Variants in LUZP2 observed in about 807,000 individuals in gnomAD.
LUZP2 encodes the protein leucine zipper protein 2.
LUZP2 carries 52 observed loss-of-function variants against 51.6 expected under a neutral mutation model. The observed-to-expected ratio is 1.01, with a 90% CI of 0.81 to 1.27. The LOEUF is 1.27. LUZP2 is among the 50% of genes most tolerant of loss of function. LUZP2 has a pLI of 0.00. For missense variants in LUZP2, 436 were observed against 395.4 expected, an observed-to-expected ratio of 1.10 and a Z score of -0.87; for synonymous variants, 154 against 137.3, an observed-to-expected ratio of 1.12 and a Z score of -0.85.
At chr11:24,812,469 A>G (rs1052537259) in intron 5 of LUZP2, among the ~76,000 whole-genome samples, 1 of 152,210 alleles carries the variant, frequency 6.6e-6, no homozygotes, top group African/African-American at 2.4e-5. Context: ...CAGTTGCTGT[A>G]CACATAAAGA....
chr11:24,578,944 AAAAG>A (rs1052418599), intron 1 of LUZP2, among the ~76,000 whole-genome samples: 10 of 152,172 alleles, frequency 6.6e-5, no homozygotes, highest in African/African-American at 2.2e-4. Flanking sequence ...CATTATTTAA[AAAAG>A]AAAGAAACTT....
At chr11:24,943,917 A>C (rs1389065180) in intron 7 of LUZP2, among the ~76,000 whole-genome samples, 1 of 151,492 alleles carries the variant, frequency 6.6e-6, no homozygotes, top group Non-Finnish European at 1.5e-5. Context: ...GCCACAGTCT[A>C]TTAAGTGTCT....
intron 1 of LUZP2, among the ~76,000 whole-genome samples, chr11:24,533,588 T>G (rs1851079597): frequency 6.6e-6 from 1 of 151,288 alleles, no homozygotes; most frequent in Non-Finnish European, 1.5e-5. Flanking sequence ...TCTCCTGATA[T>G]AAAGCATGCA....
intron 1 of LUZP2, among the ~76,000 whole-genome samples, chr11:24,532,373 G>GTTGA (rs1346509636): frequency 6.6e-6 from 1 of 150,910 alleles, no homozygotes; most frequent in African/African-American, 2.4e-5. Flanking sequence ...ATTAAAATTA[G>GTTGA]TTGACATTTG....
At chr11:24,741,972 ACAT>A (rs1859184647) in intron 4 of LUZP2, among the ~76,000 whole-genome samples, 1 of 82,894 alleles carries the variant, frequency 1.2e-5, no homozygotes, top group African/African-American at 3.6e-5. Context: ...ATAAATATAT[ACAT>A]TTATATATTA....
chr11:24,829,432 A>AT, intron 5 of LUZP2, among the ~76,000 whole-genome samples: 1 of 152,300 alleles, frequency 6.6e-6, no homozygotes, highest in African/African-American at 2.4e-5. Context: ...CAGAACTTTA[A>AT]TTTTGAAATT....
intron 1 of LUZP2, among the ~76,000 whole-genome samples, chr11:24,650,325 A>C (rs764842060): frequency 7.9e-5 from 12 of 151,894 alleles, no homozygotes; most frequent in Admixed American, 2.0e-4. Flanking sequence ...AACTAGCAAA[A>C]TTCTAATGAT....
intron 9 of LUZP2, among the ~76,000 whole-genome samples, chr11:25,044,760 G>A (rs1435809160): frequency 6.6e-6 from 1 of 151,646 alleles, no homozygotes; most frequent in Non-Finnish European, 1.5e-5. Flanking sequence ...ACATGCGCAC[G>A]TATGTTTATT....
chr11:24,526,989 G>T (rs1464280656), intron 1 of LUZP2, among the ~76,000 whole-genome samples: 1 of 151,236 alleles, frequency 6.6e-6, no homozygotes, highest in Non-Finnish European at 1.5e-5. Context: ...AGAGATTTTT[G>T]CCCATTGTTA....
intron 1 of LUZP2, among the ~76,000 whole-genome samples, chr11:24,522,329 C>CT (rs954209852): frequency 2.3e-4 from 33 of 143,724 alleles, no homozygotes; most frequent in South Asian, 6.5e-4. Flanking sequence ...TCTTAGATTG[C>CT]TTTTTTTTTT....
chr11:25,070,970 A>G (rs1162240585), intron 10 of LUZP2, among the ~76,000 whole-genome samples: 1 of 151,910 alleles, frequency 6.6e-6, no homozygotes, highest in Non-Finnish European at 1.5e-5. Context: ...TTCTTGTGGC[A>G]GGGTCCAAAA....
chr11:24,794,283 C>T (rs930028624), intron 5 of LUZP2, among the ~76,000 whole-genome samples: 2 of 152,146 alleles, frequency 1.3e-5, no homozygotes, highest in Admixed American at 6.6e-5. Flanking sequence ...ATTCTACATA[C>T]TCTACATACT....
At position 24,741,973 on chromosome 11, in the gene LUZP2, C is replaced by CATTTATATATTATATATAAATGTATAT. The variant is rs1565111112; in HGVS notation, c.333+3675_333+3701dup. ...TTTATATATTATATATAAATATATACATTTATATATTATATATAAATGTAT... is the reference window on the plus strand; with the variant it reads ...TTTATATATTATATATAAATATATACATTTATATATTATATATAAATGTATATATTTATATATTATATATAAATGTAT... On this transcript the variant is annotated intron_variant, in intron 4 of 11. Coordinates refer to ENST00000336930, the MANE Select transcript of LUZP2 (RefSeq NM_001009909.4). Among the ~76,000 whole-genome samples, 5 of 31,632 alleles carry CATTTATATATTATATATAAATGTATAT rather than the reference C, an allele frequency of 1.6e-4. No homozygotes were observed. The Admixed American group carries it at 1.7e-3, about 11-fold the overall frequency. 20.8% of individuals were successfully genotyped at this position (31,632 alleles called of 152,430 possible).
At chr11:24,743,887 GT>G (rs1859277865) in intron 4 of LUZP2, among the ~76,000 whole-genome samples, 1 of 152,018 alleles carries the variant, frequency 6.6e-6, no homozygotes, top group African/African-American at 2.4e-5. Context: ...TTTGCTGAAG[GT>G]TTTAATCATA....
intron 5 of LUZP2, among the ~76,000 whole-genome samples, chr11:24,860,070 C>G (rs1464725650): frequency 6.6e-6 from 1 of 152,212 alleles, no homozygotes; most frequent in Non-Finnish European, 1.5e-5. Context: ...GGGCAGCACC[C>G]ATCTCTATAG....
intron 5 of LUZP2, among the ~76,000 whole-genome samples, chr11:24,798,281 G>T (rs1849603838): frequency 6.6e-6 from 1 of 151,874 alleles, no homozygotes; most frequent in Non-Finnish European, 1.5e-5. Flanking sequence ...TCAGTGGCAA[G>T]ATCATAGCTC....
intron 4 of LUZP2, among the ~76,000 whole-genome samples, chr11:24,742,351 A>G (rs952531439): frequency 6.6e-5 from 10 of 151,780 alleles, no homozygotes; most frequent in Non-Finnish European, 1.3e-4. Context: ...CACTGCATTT[A>G]TGCCAACATC....
chr11:25,023,157 G>C (rs575093140), intron 9 of LUZP2, among the ~76,000 whole-genome samples: 3 of 152,172 alleles, frequency 2.0e-5, no homozygotes, highest in Non-Finnish European at 4.4e-5. Context: ...AATGATGCTG[G>C]CCTCATAAAA....
intron 1 of LUZP2, among the ~76,000 whole-genome samples, chr11:24,665,966 A>G (rs1346380315): frequency 1.3e-5 from 2 of 152,182 alleles, no homozygotes; most frequent in African/African-American, 2.4e-5. Flanking sequence ...ATCATTATAC[A>G]TAATTTTTCA....
Sources: gnomAD v4.1 joint callset for allele counts (sites outside exome capture counted in the v4.1 genomes callset) on GRCh38, gnomAD v4.1.1 for gene constraint, MANE v1.5 for transcripts, NCBI Gene and HGNC (gene_info 2026-07-23, HGNC 2026-07-21) for gene names.